The following FAP variants were observed in gnomAD, a reference collection of about 807,000 sequenced individuals.
FAP encodes prolyl endopeptidase FAP.
Under a neutral mutation model 126.5 loss-of-function variants are expected in FAP, and 110 were observed. That is an observed-to-expected ratio of 0.87 (90% CI 0.74 to 1.02). The LOEUF (loss-of-function observed/expected upper bound fraction) is 1.02, where lower values mean the gene tolerates loss of function less well. FAP is among the 50% of genes least tolerant of loss of function. The probability of loss-of-function intolerance (pLI) is 0.00; values close to 1 mark genes in which losing one functional copy is unlikely to be tolerated. For missense variants in FAP, 919 were observed against 909.2 expected (o/e 1.01, Z -0.14); for synonymous variants, 334 against 297.3 (o/e 1.12, Z -1.27).
Position 162,224,462 on chromosome 2 carries a change from A to C in FAP, c.360+4T>G. 6.4e-7 allele frequency: 1 copy of C among 1,555,774 alleles called. No individual in the cohort carries two copies. The highest frequency in any genetic ancestry group is 8.8e-7 in the Non-Finnish European group (1 of 1,141,066). ...TGGATATAACCAAATTAAATAGTTG[A>C]TACCTTTGAATAATCACTTTCTAGA... On this transcript the variant is annotated splice_donor_region_variant and intron_variant, in intron 5 of 25. Transcript: ENST00000188790.
At chr2:162,229,938 C>T (rs900287698) in intron 2 of FAP, among the ~76,000 whole-genome samples, 8 of 152,066 alleles carry the variant, frequency 5.3e-5, no homozygotes, top group Admixed American at 5.2e-4. Flanking sequence ...TCACCACCAC[C>T]CAAGAAGTGA....
intron 6 of FAP, chr2:162,221,785 T>A: frequency 4.4e-6 from 2 of 455,374 alleles, no homozygotes; most frequent in Non-Finnish European, 8.8e-6. Context: ...ATCTCCTCAG[T>A]TTTGCCTACC....
chr2:162,174,955 T>A lies in FAP; in HGVS notation c.1881A>T (p.Gly627=), dbSNP rs1402611272. 1.2e-6 allele frequency: 2 copies of A among 1,611,156 alleles called. No individual in the cohort carries two copies. The highest frequency in any genetic ancestry group is 1.7e-5 in the Admixed American group (1 of 59,934). The change falls in exon 22 of 26, where the codon GGA becomes GGT. Residue 627 remains glycine, a synonymous_variant. Transcript: ENST00000188790. The stretch of plus-strand genomic sequence containing the variant: ...ATGCAAGGGCCAGTGATGAAACGTA[T>A]CCTCCATAGGACTGTAGAGACATTG... ...RIAIWGWSYG[G]YVSSLALASG...
intron 12 of FAP, among the ~76,000 whole-genome samples, chr2:162,206,914 A>T (rs1473376827): frequency 6.6e-6 from 1 of 152,132 alleles, no homozygotes; most frequent in African/African-American, 2.4e-5. Flanking sequence ...AAGTCATTTA[A>T]TCTCCCTTTT....
chr2:162,171,026 T>C lies in FAP; in HGVS notation c.2236A>G (p.Thr746Ala). ...LSGLSTNHLY[T>A]HMTHFLKQCF... is the part of the protein sequence containing the mutation. Reference sequence around the variant, plus strand: ...TGCTTTAGGAAGTGGGTCATGTGGGTGTATAAGTGGTTCGTGGACAGGCCG... The same window carrying C: ...TGCTTTAGGAAGTGGGTCATGTGGGCGTATAAGTGGTTCGTGGACAGGCCG... Residue 746 changes from threonine to alanine, a missense_variant, in exon 26 of 26, where the codon ACC becomes GCC. By Grantham distance (58) the Thr-to-Ala change is moderately conservative. Coordinates refer to ENST00000188790, the MANE Select transcript of FAP (RefSeq NM_004460.5). The C allele has an allele frequency of 6.2e-7, 1 of 1,613,270 alleles. No homozygotes were observed. Among genetic ancestry groups the C allele is most frequent in the Non-Finnish European group, 8.5e-7 (1 of 1,179,408 alleles).
intron 11 of FAP, among the ~76,000 whole-genome samples, chr2:162,211,506 G>T (rs1386991899): frequency 6.6e-6 from 1 of 152,250 alleles, no homozygotes; most frequent in Non-Finnish European, 1.5e-5. Flanking sequence ...GAAAGGAAAA[G>T]AACAGTCAAT....
chr2:162,235,743 C>G (rs931855106), intron 2 of FAP, among the ~76,000 whole-genome samples: 1 of 152,154 alleles, frequency 6.6e-6, no homozygotes, highest in Non-Finnish European at 1.5e-5. Context: ...GGGTCTCCTT[C>G]CACACTGTGG....
rs1282388707 is a variant in FAP, at chr2:162,223,653, C to T, written c.368G>A (p.Arg123Lys). 3 of 1,609,212 alleles carry T rather than the reference C, an allele frequency of 1.9e-6. No individual in the cohort carries two copies. Among genetic ancestry groups the T allele is most frequent in the Non-Finnish European group, 2.6e-6 (3 of 1,176,008 alleles). ...YLESDYSKLW[R>K]YSYTATYYIY... ...GTAATATGTTGCTGTGTAAGAGTAT[C>T]TCCAAAGCTGTCAGAAAGAAGAAAG... Residue 123 changes from arginine to lysine, a missense_variant, in exon 6 of 26, where the codon AGA becomes AAA. Physicochemically the swap from Arg to Lys is conservative, Grantham distance 26. Coordinates refer to ENST00000188790, the MANE Select transcript of FAP (RefSeq NM_004460.5).
intron 10 of FAP, among the ~76,000 whole-genome samples, chr2:162,215,209 C>T (rs1374915254): frequency 6.6e-6 from 1 of 152,212 alleles, no homozygotes; most frequent in African/African-American, 2.4e-5. Flanking sequence ...GAGCTTGGCT[C>T]TTCTTCGTGA....
chr2:162,226,048 C>T (rs1689633626), intron 3 of FAP, among the ~76,000 whole-genome samples: 1 of 152,064 alleles, frequency 6.6e-6, no homozygotes, highest in South Asian at 2.1e-4. Flanking sequence ...TTTAGTTGAT[C>T]TCACTATTTA....
chr2:162,198,352 A>G, intron 16 of FAP: 1 of 1,282,834 alleles, frequency 7.8e-7, no homozygotes, highest in South Asian at 1.3e-5. Context: ...AAGTCCAGCA[A>G]CCATTTTATC....
intron 11 of FAP, 38 bp downstream of exon 11, chr2:162,213,900 C>A: frequency 6.3e-7 from 1 of 1,597,176 alleles, no homozygotes; most frequent in Non-Finnish European, 8.5e-7. Flanking sequence ...GTGCCTTGAT[C>A]TTCAGAAATA....
In FAP at chr2:162,194,694, A is replaced by G. The variant is rs770397827; in HGVS notation, c.1450+7T>C. 1.2e-6 allele frequency: 2 copies of G among 1,613,040 alleles called. No homozygotes were observed. The highest frequency in any genetic ancestry group is 1.1e-5 in the South Asian group (1 of 91,050). On this transcript the variant is annotated splice_region_variant and intron_variant, in intron 17 of 25. Coordinates refer to ENST00000188790, the MANE Select transcript of FAP (RefSeq NM_004460.5). Reference sequence around the variant, plus strand: ...AGACAAGATAGATAACATGCAAGAGAGAGTACCTTGATCAGTGCGTCCATC... The same window carrying G: ...AGACAAGATAGATAACATGCAAGAGGGAGTACCTTGATCAGTGCGTCCATC...
At chr2:162,216,278 G>A (rs1047854205) in intron 9 of FAP, among the ~76,000 whole-genome samples, 6 of 152,126 alleles carry the variant, frequency 3.9e-5, no homozygotes, top group African/African-American at 1.4e-4. Context: ...ATATGAAAAT[G>A]CAGTTCTGTG....
rs887241330 is a variant in FAP at position 162,170,836 on chromosome 2, C to CT, written c.*142dup. On this transcript the variant is annotated 3_prime_UTR_variant, in exon 26 of 26. Transcript: ENST00000188790. ...TTAGCTTGAACTTCTGAGTCCTCAT[C>CT]TTTTTTTTAACAGCCTTTAGAACAA... 2.6e-4 allele frequency: 158 copies of CT among 604,282 alleles called. No individual in the cohort carries two copies. The highest frequency in any genetic ancestry group is 4.9e-4 in the South Asian group (20 of 40,606). 37.4% of individuals were successfully genotyped at this position (604,282 alleles called of 1,614,324 possible).
At chr2:162,187,585 A>G (rs1687904936) in intron 20 of FAP, among the ~76,000 whole-genome samples, 1 of 152,120 alleles carries the variant, frequency 6.6e-6, no homozygotes, top group South Asian at 2.1e-4. Context: ...ATAGTTGAGA[A>G]GAAGAAATCA....
chr2:162,171,731 T>G (rs1687311580), intron 25 of FAP: 1 of 152,030 alleles, frequency 6.6e-6, no homozygotes. Flanking sequence ...ACTTTGGGGA[T>G]CACAATAAAA....
At chr2:162,183,387 A>C in intron 21 of FAP, 27 bp downstream of exon 21, 1 of 1,536,746 alleles carries the variant, frequency 6.5e-7, no homozygotes, top group Non-Finnish European at 9.0e-7. Flanking sequence ...ACTGAATAAC[A>C]GGCATAAAAA....
intron 11 of FAP, among the ~76,000 whole-genome samples, chr2:162,212,136 C>G (rs79046650): frequency 6.6e-6 from 1 of 152,146 alleles, no homozygotes; most frequent in African/African-American, 2.4e-5. Context: ...ATTGAATGAG[C>G]ATCTTAAATG....
Sources: gnomAD v4.1 joint callset for allele counts (sites outside exome capture counted in the v4.1 genomes callset) on GRCh38, gnomAD v4.1.1 for gene constraint, MANE v1.5 for transcripts, NCBI Gene and HGNC (gene_info 2026-07-23, HGNC 2026-07-21) for gene names.